SULT2B1: variants seen among roughly 807,000 people sequenced by gnomAD.
SULT2B1 encodes sulfotransferase 2B1.
A neutral mutation model predicts 33.2 loss-of-function variants in SULT2B1; 16 were observed. The observed-to-expected ratio is 0.48, with a 90% CI of 0.33 to 0.73. SULT2B1 has a LOEUF of 0.73. Ranked by LOEUF, SULT2B1 falls within the 30% of genes least tolerant of loss-of-function variation. SULT2B1 has a pLI of 0.02. For missense variants in SULT2B1, 500 were observed against 506.0 expected, an observed-to-expected ratio of 0.99 and a Z score of 0.11; for synonymous variants, 186 against 200.5, an observed-to-expected ratio of 0.93 and a Z score of 0.61.
chr19:48,565,064 C>T (rs1000675925), intron 1 of SULT2B1, among the ~76,000 whole-genome samples: 4 of 151,972 alleles, frequency 2.6e-5, no homozygotes, highest in African/African-American at 9.7e-5. Context: ...GCTGGGATTA[C>T]AGGAATAAGC....
intron 4 of SULT2B1, among the ~76,000 whole-genome samples, chr19:48,592,387 C>G (rs1434327114): frequency 6.6e-6 from 1 of 152,110 alleles, no homozygotes; most frequent in Non-Finnish European, 1.5e-5. Context: ...CAGGAGGAGA[C>G]AGGCCCCTGG....
rs972074473 is a variant in SULT2B1 at position 48,552,729 on chromosome 19, G to A, written c.71+406G>A. Reference sequence around the variant, plus strand: ...CCCATGCAAGCCCTGAAATAACGGGGGTGCTTGGGGGTGAAATGGGAGAGA... The same window carrying A: ...CCCATGCAAGCCCTGAAATAACGGGAGTGCTTGGGGGTGAAATGGGAGAGA... On this transcript the variant is annotated intron_variant, in intron 1 of 6. Transcript: ENST00000201586. This position sits in a 1 kb window ranked among gnomAD's most constrained non-coding sequence, Gnocchi z 4.8. Among the ~76,000 whole-genome samples the A allele has an allele frequency of 6.6e-6, 1 of 152,122 alleles. No homozygotes were observed. The highest frequency in any genetic ancestry group is 1.5e-5 in the Non-Finnish European group (1 of 68,016).
intron 1 of SULT2B1, among the ~76,000 whole-genome samples, chr19:48,566,130 T>A (rs1973241024): frequency 6.6e-6 from 1 of 152,114 alleles, no homozygotes; most frequent in South Asian, 2.1e-4. Context: ...CAGGCTGGTC[T>A]CAAACTCCTG....
In SULT2B1 at chr19:48,576,359, C is replaced by CTTTTCTTTT; in HGVS notation, c.214+280_214+281insCTTTTTTTT. Among the ~76,000 whole-genome samples the CTTTTCTTTT allele has an allele frequency of 2.6e-4, 25 of 96,710 alleles. 1 individual carries two copies. The highest frequency in any genetic ancestry group is 3.0e-4 in the African/African-American group (7 of 23,280). The allele number at this position is 96,710 out of a possible 152,430, so 63.4% of individuals were successfully genotyped here. On this transcript the variant is annotated intron_variant, in intron 2 of 6. Coordinates refer to ENST00000201586, the MANE Select transcript of SULT2B1 (RefSeq NM_177973.2). ...CCTTTCCCCTTTACCCTCTACTTCT[C>CTTTTCTTTT]TTTTTTTTTTTTTTTTTTGTAGAGA... is the stretch of plus-strand genomic sequence containing the variant.
In SULT2B1 at chr19:48,586,364, C is replaced by T. The variant is rs188107596; in HGVS notation, c.215-865C>T. Reference sequence around the variant, plus strand: ...TGGAAGGAAGTTGGTGGGGGGATATCCATGCATTCCCAGACATTTGGTTCC... The same window carrying T: ...TGGAAGGAAGTTGGTGGGGGGATATTCATGCATTCCCAGACATTTGGTTCC... On this transcript the variant is annotated intron_variant, in intron 2 of 6. Coordinates refer to ENST00000201586, the MANE Select transcript of SULT2B1 (RefSeq NM_177973.2). 2.5e-3 allele frequency among the ~76,000 whole-genome samples: 385 copies of T among 152,270 alleles called. 1 individual carries two copies. Among genetic ancestry groups the T allele is most frequent in the African/African-American group, 8.8e-3 (364 of 41,572 alleles).
At chr19:48,589,472 T>G (rs1016042117) in intron 3 of SULT2B1, among the ~76,000 whole-genome samples, 2 of 152,048 alleles carry the variant, frequency 1.3e-5, no homozygotes, top group Non-Finnish European at 2.9e-5. Flanking sequence ...GGCACATATA[T>G]TCTGTAATTA....
chr19:48,576,966 T>C (rs181141485), intron 2 of SULT2B1, among the ~76,000 whole-genome samples: 3 of 151,420 alleles, frequency 2.0e-5, no homozygotes, highest in Non-Finnish European at 2.9e-5. Context: ...AAGTGGTGAA[T>C]TACACACAAT....
rs573167385 is a variant in SULT2B1 at position 48,555,309 on chromosome 19, C to T, written c.71+2986C>T. Among the ~76,000 whole-genome samples, 5 of 152,224 alleles carry T rather than the reference C, an allele frequency of 3.3e-5. No individual in the cohort carries two copies. The South Asian group carries it at 6.2e-4, about 19-fold the overall frequency. The stretch of plus-strand genomic sequence containing the variant: ...ATTTCACCATGTTGGCCAGGCTGTT[C>T]TCGAACTCCTGACCTCAGGTGATCC... On this transcript the variant is annotated intron_variant, in intron 1 of 6. Transcript: ENST00000201586.
chr19:48,561,892 A>G (rs1035756250), intron 1 of SULT2B1, among the ~76,000 whole-genome samples: 3 of 152,156 alleles, frequency 2.0e-5, no homozygotes, highest in South Asian at 2.1e-4. Context: ...AGGCAGGTGG[A>G]TCACCTGAGG....
At chr19:48,573,864 T>C (rs1297438822) in intron 1 of SULT2B1, among the ~76,000 whole-genome samples, 1 of 151,986 alleles carries the variant, frequency 6.6e-6, no homozygotes, top group African/African-American at 2.4e-5. Context: ...TTGGTTTGTT[T>C]CTATGTTTGT....
At chr19:48,572,409 A>T (rs1601095653) in intron 1 of SULT2B1, among the ~76,000 whole-genome samples, 1 of 152,168 alleles carries the variant, frequency 6.6e-6, no homozygotes, top group African/African-American at 2.4e-5. Context: ...GCTACTAGGG[A>T]GGCTGAGGCA....
intron 2 of SULT2B1, among the ~76,000 whole-genome samples, chr19:48,577,565 C>T (rs1427372519): frequency 2.0e-5 from 3 of 151,544 alleles, no homozygotes; most frequent in Admixed American, 1.3e-4. Context: ...GAGGTTTCAC[C>T]GTACTGGCCA....
chr19:48,566,449 G>A (rs1417650920), intron 1 of SULT2B1, among the ~76,000 whole-genome samples: 1 of 151,928 alleles, frequency 6.6e-6, no homozygotes, highest in Admixed American at 6.6e-5. Flanking sequence ...TGTAAAGCCA[G>A]CACTTTGGGA....
chr19:48,576,123 G>C, intron 2 of SULT2B1, 40 bp downstream of exon 2: 2 of 1,529,194 alleles, frequency 1.3e-6, no homozygotes, highest in Non-Finnish European at 1.8e-6. Context: ...TGGGGAGAGT[G>C]GGGAGGGGGT....
In SULT2B1 at chr19:48,576,359, C is replaced by CTTTTCTTTCTTTTTTTTTTTTTTTTT; in HGVS notation, c.214+280_214+281insCTTTCTTTTTTTTTTTTTTTTTTTTT. On this transcript the variant is annotated intron_variant, in intron 2 of 6. Coordinates refer to ENST00000201586, the MANE Select transcript of SULT2B1 (RefSeq NM_177973.2). Reference sequence around the variant, plus strand: ...CCTTTCCCCTTTACCCTCTACTTCTCTTTTTTTTTTTTTTTTTTGTAGAGA... The same window carrying CTTTTCTTTCTTTTTTTTTTTTTTTTT: ...CCTTTCCCCTTTACCCTCTACTTCTCTTTTCTTTCTTTTTTTTTTTTTTTTTTTTTTTTTTTTTTTTTTTGTAGAGA... Among the ~76,000 whole-genome samples the CTTTTCTTTCTTTTTTTTTTTTTTTTT allele has an allele frequency of 9.9e-3, 956 of 96,576 alleles. 112 individuals carry two copies. Among genetic ancestry groups the CTTTTCTTTCTTTTTTTTTTTTTTTTT allele is most frequent in the Non-Finnish European group, 0.012 (629 of 51,916 alleles). The allele number at this position is 96,576 out of a possible 152,430, so 63.4% of individuals were successfully genotyped here.
intron 2 of SULT2B1, among the ~76,000 whole-genome samples, chr19:48,579,375 C>A (rs1465543202): frequency 6.6e-6 from 1 of 150,974 alleles, no homozygotes; most frequent in African/African-American, 2.4e-5. Flanking sequence ...CTCCGCCTCC[C>A]GAGTTCACGC....
At chr19:48,557,823 G>A (rs1299186186) in intron 1 of SULT2B1, among the ~76,000 whole-genome samples, 1 of 152,066 alleles carries the variant, frequency 6.6e-6, no homozygotes, top group Non-Finnish European at 1.5e-5. Context: ...GGAGGTTGAG[G>A]CAGGAGAATC....
chr19:48,574,187 A>G (rs1033299804), intron 1 of SULT2B1, among the ~76,000 whole-genome samples: 1 of 152,176 alleles, frequency 6.6e-6, no homozygotes, highest in Non-Finnish European at 1.5e-5. Flanking sequence ...AAGTATCCAC[A>G]GCACCCAAGG....
chr19:48,597,746 C>CAATT (rs1234052323), intron 6 of SULT2B1, among the ~76,000 whole-genome samples: 1 of 151,296 alleles, frequency 6.6e-6, no homozygotes, highest in African/African-American at 2.4e-5. Flanking sequence ...CAGGTTCAAG[C>CAATT]AATTCTCCTG....
Sources: gnomAD v4.1 joint callset for allele counts (sites outside exome capture counted in the v4.1 genomes callset) on GRCh38, gnomAD v4.1.1 for gene constraint, Gnocchi (gnomAD v3.1) non-coding constraint, MANE v1.5 for transcripts, NCBI Gene and HGNC (gene_info 2026-07-23, HGNC 2026-07-21) for gene names.